The following PCNX2 variants were observed in gnomAD, a reference collection of about 807,000 sequenced individuals.
The protein encoded by PCNX2 is pecanex 2.
Under a neutral mutation model 223.8 loss-of-function variants are expected in PCNX2, and 168 were observed. That is an observed-to-expected ratio of 0.75 (90% CI 0.66 to 0.85). The LOEUF (loss-of-function observed/expected upper bound fraction) is 0.85, where lower values mean the gene tolerates loss of function less well. Ranked by LOEUF, PCNX2 falls within the 40% of genes least tolerant of loss-of-function variation. PCNX2 has a pLI of 0.00. For synonymous variants in PCNX2, 1,006 were observed against 1,052.6 expected (o/e 0.96, Z 0.86); for missense variants, 2,507 against 2,675.5 (o/e 0.94, Z 1.39).
chr1:233,053,058 C>A (rs1316803594), intron 25 of PCNX2, among the ~76,000 whole-genome samples: 2 of 151,884 alleles, frequency 1.3e-5, no homozygotes, highest in African/African-American at 4.8e-5. Context: ...AGTATATTCT[C>A]CACACAGCCA....
At chr1:233,082,602 A>C (rs1673411663) in intron 23 of PCNX2, among the ~76,000 whole-genome samples, 1 of 152,228 alleles carries the variant, frequency 6.6e-6, no homozygotes, top group African/African-American at 2.4e-5. Flanking sequence ...GGCAGCTTTT[A>C]ATTGCATTGT....
At chr1:233,097,988 T>C (rs1320211382) in intron 21 of PCNX2, among the ~76,000 whole-genome samples, 2 of 152,062 alleles carry the variant, frequency 1.3e-5, no homozygotes, top group African/African-American at 4.8e-5. Flanking sequence ...TCAAACTCTA[T>C]CAGAAAAAAT....
At chr1:233,246,575 A>G (rs897836759) in intron 8 of PCNX2, among the ~76,000 whole-genome samples, 6 of 152,190 alleles carry the variant, frequency 3.9e-5, no homozygotes, top group Non-Finnish European at 7.3e-5. Flanking sequence ...CTTAGTGTGT[A>G]AGTGTTTAAC....
intron 1 of PCNX2, chr1:233,288,722 C>T: frequency 1.7e-6 from 1 of 581,418 alleles, no homozygotes; most frequent in Non-Finnish European, 3.0e-6. Context: ...TGAGAGACAA[C>T]TGCATGGGAT....
At chr1:233,061,705 G>T (rs1021043257) in intron 23 of PCNX2, among the ~76,000 whole-genome samples, 1 of 152,094 alleles carries the variant, frequency 6.6e-6, no homozygotes, top group South Asian at 2.1e-4. Context: ...TGAGTTTAAA[G>T]AAAGTTTTGT....
At chr1:233,032,336 C>G (rs1671299043) in intron 25 of PCNX2, among the ~76,000 whole-genome samples, 1 of 152,200 alleles carries the variant, frequency 6.6e-6, no homozygotes, top group Non-Finnish European at 1.5e-5. Flanking sequence ...CTCCCAATCT[C>G]AGGTGATCCA....
intron 25 of PCNX2, among the ~76,000 whole-genome samples, chr1:233,032,508 T>G (rs1476055451): frequency 1.3e-5 from 2 of 152,204 alleles, no homozygotes; most frequent in African/African-American, 4.8e-5. Flanking sequence ...AATGTGAGTT[T>G]CATTCCAATT....
chr1:232,998,536 G>A (rs927779420), intron 31 of PCNX2, 98 bp from the exon 32 acceptor site: 62 of 1,366,316 alleles, frequency 4.5e-5, no homozygotes, highest in Admixed American at 1.5e-4. Flanking sequence ...ATCGAAGAGC[G>A]TGCTCTCCAG....
chr1:233,141,117 A>G (rs901410325), intron 19 of PCNX2, among the ~76,000 whole-genome samples: 2 of 152,220 alleles, frequency 1.3e-5, no homozygotes, highest in Non-Finnish European at 2.9e-5. Flanking sequence ...TTGCACAAGA[A>G]CAACTCACAA....
At chr1:233,243,682 G>A (rs1465008347) in intron 8 of PCNX2, among the ~76,000 whole-genome samples, 1 of 152,156 alleles carries the variant, frequency 6.6e-6, no homozygotes, top group East Asian at 1.9e-4. Context: ...AGAAACAAAA[G>A]TCAACATCTT....
chr1:233,281,129 G>A (rs1205240541), intron 1 of PCNX2, among the ~76,000 whole-genome samples: 1 of 152,202 alleles, frequency 6.6e-6, no homozygotes, highest in Non-Finnish European at 1.5e-5. Flanking sequence ...GTAAGAAAAA[G>A]TATTTCTGAA....
Position 232,999,446 on chromosome 1 carries a change from CTTTTTCTTTTTTTTTTT to C in PCNX2, c.5329-84_5329-68del. 7.6e-6 allele frequency: 9 copies of C among 1,189,772 alleles called. No individual in the cohort carries two copies. In the South Asian group the frequency reaches 1.5e-4, roughly 19 times the overall value. 73.7% of individuals were successfully genotyped at this position (1,189,772 alleles called of 1,614,324 possible). ...GTGTTTTCCAGTCTATTGGTTTTTT[CTTTTTCTTTTTTTTTTT>C]TTTTTTTGAGATAGAGTTTCGCTCT... is the stretch of plus-strand genomic sequence containing the variant. On this transcript the variant is annotated intron_variant, in intron 30 of 33. Transcript: ENST00000258229.
intron 32 of PCNX2, among the ~76,000 whole-genome samples, chr1:232,996,601 A>T (rs1480205749): frequency 6.6e-6 from 1 of 151,780 alleles, no homozygotes; most frequent in Non-Finnish European, 1.5e-5. Context: ...CTATCTACCT[A>T]CCTAGCTTTC....
At position 233,001,583 on chromosome 1, in the gene PCNX2, T is replaced by A; in HGVS notation, c.5051A>T (p.His1684Leu). Residue 1684 changes from histidine (H) to leucine (L), a missense_variant, in exon 29 of 34, where the codon CAT (histidine) becomes CTT (leucine). Coordinates refer to ENST00000258229, the MANE Select transcript of PCNX2 (RefSeq NM_014801.4). This position sits in a 1 kb window ranked among gnomAD's most constrained non-coding sequence, Gnocchi z 4.2. ...EWVFADMDLL[H>L]KVVAPAIRMS... ...CCTGATAGCTGGAGCTACAACTTTA[T>A]GCAGTAGGTCCATGTCAGCAAATAC... 1 of 1,541,762 alleles carries A rather than the reference T, an allele frequency of 6.5e-7. No individual in the cohort carries two copies.
chr1:233,013,926 T>C (rs368248907), intron 28 of PCNX2, among the ~76,000 whole-genome samples: 14 of 152,250 alleles, frequency 9.2e-5, no homozygotes, highest in Middle Eastern at 3.4e-3. Context: ...GTGATTCCAC[T>C]TTGTGGGCAG....
chr1:233,295,689 G>C lies in PCNX2; in HGVS notation c.-211C>G. 2.2e-6 allele frequency: 1 copy of C among 462,316 alleles called. No individual in the cohort carries two copies. The highest frequency in any genetic ancestry group is 3.5e-6 in the Non-Finnish European group (1 of 288,978). The allele number at this position is 462,316 out of a possible 1,614,324, so 28.6% of individuals were successfully genotyped here. A position where few individuals can be genotyped will look rare whatever the true frequency, so the allele number is the denominator to read the frequency against. ...GCGAACCGCGGCGCCGGAGCCGGCT[G>C]CTGCGGCCGGGCAGGTGAGCGCCAT... is the stretch of plus-strand genomic sequence containing the variant. On this transcript the variant is annotated 5_prime_UTR_variant, in exon 1 of 34. Coordinates refer to ENST00000258229, the MANE Select transcript of PCNX2 (RefSeq NM_014801.4). The surrounding 1 kb of genome is among the most constrained non-coding windows in gnomAD (Gnocchi z 4.1).
intron 13 of PCNX2, 49 bp downstream of exon 13, chr1:233,208,469 C>T (rs754248087): frequency 1.3e-6 from 2 of 1,544,730 alleles, no homozygotes; most frequent in East Asian, 4.5e-5. Flanking sequence ...AAAGGGGAGA[C>T]ATACCCCCAA....
At chr1:233,273,916 C>T (rs1239969261) in intron 1 of PCNX2, among the ~76,000 whole-genome samples, 2 of 152,144 alleles carry the variant, frequency 1.3e-5, no homozygotes, top group African/African-American at 4.8e-5. Context: ...AGTCATCGTG[C>T]CTGACCTCTT....
intron 8 of PCNX2, among the ~76,000 whole-genome samples, chr1:233,247,138 G>A (rs769267696): frequency 1.3e-5 from 2 of 152,214 alleles, no homozygotes; most frequent in Non-Finnish European, 2.9e-5. Context: ...GGACTGACTC[G>A]TTTTTCCTGA....
Sources: allele counts gnomAD v4.1 joint callset (sites outside exome capture counted in the v4.1 genomes callset), GRCh38; gene constraint gnomAD v4.1.1; non-coding constraint Gnocchi (gnomAD v3.1); transcripts MANE v1.5; gene names NCBI Gene and HGNC (gene_info 2026-07-23, HGNC 2026-07-21).